The following TAS2R1 variants were observed in gnomAD, a reference collection of about 807,000 sequenced individuals.
TAS2R1 encodes the protein taste 2 receptor member 1.
For synonymous variants in TAS2R1, 141 were observed against 134.2 expected, an observed-to-expected ratio of 1.05 and a Z score of -0.35; for missense variants, 370 against 353.4, an observed-to-expected ratio of 1.05 and a Z score of -0.38.
the TAS2R1 span, among the ~76,000 whole-genome samples, chr5:9,894,378 G>A: frequency 1.1e-4 from 10 of 89,714 alleles, no homozygotes; most frequent in African/African-American, 3.4e-4. Context: ...TACTCCAGCC[G>A]TGAGACTCTG....
chr5:9,790,301 G>A, the TAS2R1 span, among the ~76,000 whole-genome samples: 1 of 152,098 alleles, frequency 6.6e-6, no homozygotes, highest in Non-Finnish European at 1.5e-5. Flanking sequence ...GCCTTTTTGT[G>A]TATTTAATAA....
the TAS2R1 span, among the ~76,000 whole-genome samples, chr5:9,808,056 CAG>C: frequency 4.7e-4 from 72 of 152,174 alleles, no homozygotes; most frequent in African/African-American, 1.5e-3. Context: ...TAGAGACTGA[CAG>C]AGTTTTGAAG....
the TAS2R1 span, among the ~76,000 whole-genome samples, chr5:9,844,201 C>G: frequency 1.3e-5 from 2 of 152,184 alleles, no homozygotes; most frequent in African/African-American, 2.4e-5. Flanking sequence ...TGGAGACAAT[C>G]TTAGAATTCT....
At chr5:9,713,174 C>A (rs1224815345), upstream of TAS2R1, 1 of 152,152 alleles carries the variant, frequency 6.6e-6, no homozygotes, top group African/African-American at 2.4e-5. Flanking sequence ...TGGAACATGA[C>A]AACTTCCTTT....
chr5:9,686,609 G>A (rs1226046849), intron 1 of TAS2R1, among the ~76,000 whole-genome samples: 1 of 152,128 alleles, frequency 6.6e-6, no homozygotes, highest in Non-Finnish European at 1.5e-5. Context: ...TGGGGGGAAG[G>A]GAGGAGAGGA....
At chr5:9,650,017 T>C (rs970812148) in intron 2 of TAS2R1, among the ~76,000 whole-genome samples, 1 of 151,984 alleles carries the variant, frequency 6.6e-6, no homozygotes, top group Non-Finnish European at 1.5e-5. Context: ...CAAAGGGAGA[T>C]TGTTATATAG....
the TAS2R1 span, among the ~76,000 whole-genome samples, chr5:9,870,891 A>C: frequency 6.6e-6 from 1 of 152,214 alleles, no homozygotes; most frequent in African/African-American, 2.4e-5. Context: ...AATGTCATGA[A>C]AGCAAACTAA....
intron 2 of TAS2R1, among the ~76,000 whole-genome samples, chr5:9,644,876 A>G (rs1398616683): frequency 5.3e-5 from 8 of 152,098 alleles, no homozygotes. Context: ...AACTAGTACT[A>G]GTCATGGTTT....
At chr5:9,664,087 T>C (rs1740586054) in intron 1 of TAS2R1, among the ~76,000 whole-genome samples, 1 of 152,118 alleles carries the variant, frequency 6.6e-6, no homozygotes, top group Non-Finnish European at 1.5e-5. Flanking sequence ...TTTGTGGTGG[T>C]TTGTTGTGGC....
the TAS2R1 span, among the ~76,000 whole-genome samples, chr5:9,773,374 T>C: frequency 6.6e-6 from 1 of 152,176 alleles, no homozygotes; most frequent in Non-Finnish European, 1.5e-5. Flanking sequence ...GTAACGTCTA[T>C]TTCTTGAAAA....
the TAS2R1 span, among the ~76,000 whole-genome samples, chr5:9,794,967 C>G: frequency 1.3e-5 from 2 of 152,146 alleles, no homozygotes; most frequent in Non-Finnish European, 2.9e-5. Context: ...TGTACATATT[C>G]ATGAAGTACA....
chr5:9,780,141 C>A, the TAS2R1 span, among the ~76,000 whole-genome samples: 1 of 152,126 alleles, frequency 6.6e-6, no homozygotes, highest in Non-Finnish European at 1.5e-5. Flanking sequence ...TGCTGTTAAT[C>A]ATCTCATCTC....
At chr5:9,832,557 G>C in the TAS2R1 span, among the ~76,000 whole-genome samples, 7 of 152,190 alleles carry the variant, frequency 4.6e-5, no homozygotes, top group Non-Finnish European at 1.0e-4. Context: ...TGCTTCTCAA[G>C]TGTTCCTCTA....
chr5:9,710,174 A>G (rs1224992207), intron 1 of TAS2R1, among the ~76,000 whole-genome samples: 1 of 151,876 alleles, frequency 6.6e-6, no homozygotes, highest in Non-Finnish European at 1.5e-5. Flanking sequence ...TCCAACTACC[A>G]AAGGCCTGGG....
At chr5:9,853,512 G>A in the TAS2R1 span, among the ~76,000 whole-genome samples, 7 of 152,150 alleles carry the variant, frequency 4.6e-5, no homozygotes, top group African/African-American at 9.7e-5. Context: ...AGGTGTTGCC[G>A]TGGCAATGGT....
chr5:9,743,941 A>G, the TAS2R1 span, among the ~76,000 whole-genome samples: 1 of 152,266 alleles, frequency 6.6e-6, no homozygotes, highest in South Asian at 2.1e-4. Flanking sequence ...TACATGGAAT[A>G]TAATTTCAAA....
chr5:9,718,697 C>CA, the TAS2R1 span, among the ~76,000 whole-genome samples: 1 of 152,102 alleles, frequency 6.6e-6, no homozygotes, highest in Non-Finnish European at 1.5e-5. Context: ...ACCAGGTGGT[C>CA]AAAATTACAC....
At chr5:9,881,801 C>T in the TAS2R1 span, among the ~76,000 whole-genome samples, 1 of 152,226 alleles carries the variant, frequency 6.6e-6, no homozygotes, top group Middle Eastern at 3.4e-3. Context: ...AACTGGCTAG[C>T]CATATGCAGA....
intron 1 of TAS2R1, among the ~76,000 whole-genome samples, chr5:9,684,074 G>A (rs964154782): frequency 6.6e-6 from 1 of 152,144 alleles, no homozygotes; most frequent in Non-Finnish European, 1.5e-5. Context: ...CATGAAATCT[G>A]TATATCTAAA....
Sources: allele counts gnomAD v4.1 joint callset (sites outside exome capture counted in the v4.1 genomes callset), GRCh38; gene constraint gnomAD v4.1.1; transcripts MANE v1.5; gene names NCBI Gene and HGNC (gene_info 2026-07-23, HGNC 2026-07-21).